Variants in KIAA1217 observed in about 807,000 individuals in gnomAD.
KIAA1217 encodes the protein KIAA1217, also known as sickle tail protein homolog.
KIAA1217 carries 88 observed loss-of-function variants against 163.9 expected under a neutral mutation model. The observed-to-expected ratio is 0.54, with a 90% CI of 0.45 to 0.64. The LOEUF (loss-of-function observed/expected upper bound fraction) is 0.64. Among genes scored for constraint, KIAA1217 ranks in the 30% least tolerant of loss-of-function variants. The pLI is 0.00. For missense variants in KIAA1217, 2,372 were observed against 2,475.0 expected, an observed-to-expected ratio of 0.96 and a Z score of 0.88; for synonymous variants, 903 against 923.1, an observed-to-expected ratio of 0.98 and a Z score of 0.39.
intron 2 of KIAA1217, among the ~76,000 whole-genome samples, chr10:24,361,273 A>G (rs765454148): frequency 3.3e-5 from 5 of 152,048 alleles, no homozygotes; most frequent in Non-Finnish European, 5.9e-5. Flanking sequence ...TGAAGCCTCA[A>G]CCTACTCAGG....
At chr10:23,851,042 T>C (rs1169068279) in intron 1 of KIAA1217, among the ~76,000 whole-genome samples, 1 of 152,080 alleles carries the variant, frequency 6.6e-6, no homozygotes, top group East Asian at 1.9e-4. Flanking sequence ...CTTTAAGTTT[T>C]AGGGTACATG....
intron 16 of KIAA1217, 70 bp downstream of exon 16, chr10:24,533,307 A>C (rs1445591030): frequency 6.8e-7 from 1 of 1,475,364 alleles, no homozygotes; most frequent in African/African-American, 1.4e-5. Context: ...TGGCACTCAC[A>C]GATTTGTTAG....
At chr10:24,192,138 T>A (rs2066750021) in intron 2 of KIAA1217, among the ~76,000 whole-genome samples, 1 of 152,208 alleles carries the variant, frequency 6.6e-6, no homozygotes, top group Admixed American at 6.5e-5. Flanking sequence ...AAGAGGTGAA[T>A]GTATGTATGT....
intron 2 of KIAA1217, among the ~76,000 whole-genome samples, chr10:24,085,156 C>T (rs1335478964): frequency 3.3e-5 from 5 of 152,090 alleles, no homozygotes; most frequent in Non-Finnish European, 5.9e-5. Context: ...CCGCGTGATC[C>T]GCCTGCCTCA....
chr10:24,370,798 C>CA (rs1160135158), intron 2 of KIAA1217, among the ~76,000 whole-genome samples: 1 of 152,118 alleles, frequency 6.6e-6, no homozygotes, highest in Non-Finnish European at 1.5e-5. Context: ...AGGTTGGTCT[C>CA]AAACTCCTGG....
At chr10:23,967,510 C>T (rs1845113799) in intron 1 of KIAA1217, among the ~76,000 whole-genome samples, 1 of 152,032 alleles carries the variant, frequency 6.6e-6, no homozygotes, top group South Asian at 2.1e-4. Flanking sequence ...TACATAAATG[C>T]AATGATACTT....
intron 2 of KIAA1217, chr10:24,158,461 T>C: frequency 1.8e-6 from 1 of 545,784 alleles, no homozygotes; most frequent in South Asian, 1.4e-5. Context: ...AAATTGAATG[T>C]ATATTCATTA....
intron 2 of KIAA1217, among the ~76,000 whole-genome samples, chr10:24,248,308 A>T (rs912947835): frequency 1.3e-5 from 2 of 152,202 alleles, no homozygotes; most frequent in Non-Finnish European, 2.9e-5. Flanking sequence ...CAACAAAAGA[A>T]TTAAATTTAT....
chr10:23,973,446 A>C, intron 1 of KIAA1217, among the ~76,000 whole-genome samples: 1 of 152,264 alleles, frequency 6.6e-6, no homozygotes, highest in East Asian at 1.9e-4. Flanking sequence ...GCTGGGATTC[A>C]GAATCAGATC....
chr10:24,142,270 G>A (rs74974628), intron 2 of KIAA1217, among the ~76,000 whole-genome samples: 2,333 of 152,202 alleles, frequency 0.015, 67 homozygotes, highest in African/African-American at 0.054. Context: ...TTAGTGAATC[G>A]AGTATCAATT....
At chr10:23,856,417 C>T (rs1342267324) in intron 1 of KIAA1217, among the ~76,000 whole-genome samples, 2 of 152,156 alleles carry the variant, frequency 1.3e-5, no homozygotes, top group African/African-American at 4.8e-5. Context: ...GTCAGTCTGC[C>T]CCTACTGGAG....
rs769400362 is a variant in KIAA1217, at chr10:24,524,572, C to T, written c.2706C>T (p.Ala902=). 1.2e-6 allele frequency: 2 copies of T among 1,614,006 alleles called. No homozygotes were observed. The highest frequency in any genetic ancestry group is 2.2e-5 in the South Asian group (2 of 91,080). ...VVIQPSQHSV[A]LLNPAQNLPH... ...TCCAGCCCTCCCAGCACTCCGTGGC[C>T]CTGCTGAACCCTGCTCAGAACTTGC... The change falls in exon 13 of 21, where the codon GCC becomes GCT. Residue 902 remains alanine (A), a synonymous_variant. Coordinates refer to ENST00000376454, the MANE Select transcript of KIAA1217 (RefSeq NM_019590.5).
At chr10:23,986,296 T>C (rs1437881622) in intron 1 of KIAA1217, among the ~76,000 whole-genome samples, 1 of 152,202 alleles carries the variant, frequency 6.6e-6, no homozygotes, top group Non-Finnish European at 1.5e-5. Context: ...TTCATCCAAT[T>C]TGCAATTTTG....
chr10:23,915,576 C>A (rs1842603824), intron 1 of KIAA1217, among the ~76,000 whole-genome samples: 1 of 152,092 alleles, frequency 6.6e-6, no homozygotes, highest in South Asian at 2.1e-4. Context: ...TACCAAGATA[C>A]CATGTGCATG....
At chr10:24,064,034 A>G (rs533875709) in intron 2 of KIAA1217, among the ~76,000 whole-genome samples, 1 of 152,224 alleles carries the variant, frequency 6.6e-6, no homozygotes, top group East Asian at 1.9e-4. Context: ...GCTTAAGGAG[A>G]TTTAGGGCTG....
At chr10:24,341,130 C>T (rs556514743) in intron 2 of KIAA1217, among the ~76,000 whole-genome samples, 1 of 152,298 alleles carries the variant, frequency 6.6e-6, no homozygotes, top group Non-Finnish European at 1.5e-5. Context: ...GTCAAAATAA[C>T]CATCACAGTG....
At chr10:24,162,972 C>A (rs2065185699) in intron 2 of KIAA1217, among the ~76,000 whole-genome samples, 1 of 152,156 alleles carries the variant, frequency 6.6e-6, no homozygotes, top group South Asian at 2.1e-4. Context: ...ACCAATATGG[C>A]AGCCACAGTC....
At chr10:23,923,058 C>T (rs534723141) in intron 1 of KIAA1217, among the ~76,000 whole-genome samples, 1 of 152,102 alleles carries the variant, frequency 6.6e-6, no homozygotes, top group African/African-American at 2.4e-5. Flanking sequence ...GCAGGGTACA[C>T]TGTACCCAAT....
rs886318341 is a variant in KIAA1217 at position 23,911,304 on chromosome 10, T to C, written c.-320-95921T>C. On this transcript the variant is annotated intron_variant, in intron 1 of 18. Transcript: ENST00000376462. ...TTATTTACTGTCTGCCTCCAGGCCCTTTATCCCTTTGAGATACTAGGATAC... is the reference window on the plus strand; with the variant it reads ...TTATTTACTGTCTGCCTCCAGGCCCCTTATCCCTTTGAGATACTAGGATAC... 2.0e-5 allele frequency among the ~76,000 whole-genome samples: 3 copies of C among 152,138 alleles called. No individual in the cohort carries two copies. The East Asian group carries it at 5.8e-4, about 29-fold the overall frequency.
Sources: allele counts gnomAD v4.1 joint callset (sites outside exome capture counted in the v4.1 genomes callset), GRCh38; gene constraint gnomAD v4.1.1; transcripts MANE v1.5; gene names NCBI Gene and HGNC (gene_info 2026-07-23, HGNC 2026-07-21).